Variants in BABAM2 observed in about 807,000 individuals in gnomAD.
BABAM2 encodes BRISC and BRCA1 A complex member 2, also known as BRISC and BRCA1-A complex member 2.
In BABAM2, 31 loss-of-function variants were observed where a neutral mutation model predicts 54.7. The ratio of observed to expected loss-of-function variants is 0.57; its 90% CI spans 0.43 to 0.77. The LOEUF is 0.77. BABAM2 is among the 30% of genes least tolerant of loss of function. The probability of loss-of-function intolerance (pLI) is 0.00; values close to 1 mark genes in which losing one functional copy is unlikely to be tolerated. For missense variants in BABAM2, 364 were observed against 455.8 expected, an observed-to-expected ratio of 0.80 and a Z score of 1.83; for synonymous variants, 167 against 162.9, an observed-to-expected ratio of 1.03 and a Z score of -0.19.
intron 2 of BABAM2, among the ~76,000 whole-genome samples, chr2:27,929,021 C>A (rs1667912547): frequency 6.7e-6 from 1 of 148,784 alleles, no homozygotes; most frequent in South Asian, 2.2e-4. Flanking sequence ...TTCGAGACCA[C>A]CCTGGGTAAC....
intron 4 of BABAM2, among the ~76,000 whole-genome samples, chr2:28,022,829 A>C (rs1675371927): frequency 6.6e-6 from 1 of 152,178 alleles, no homozygotes; most frequent in Admixed American, 6.5e-5. Flanking sequence ...TCTCCTACTC[A>C]AGAGAATGGA....
intron 6 of BABAM2, among the ~76,000 whole-genome samples, chr2:28,075,918 A>G (rs973579177): frequency 2.0e-5 from 3 of 152,066 alleles, no homozygotes; most frequent in Non-Finnish European, 4.4e-5. Context: ...AATATACTAA[A>G]TAAATATGTT....
intron 7 of BABAM2, among the ~76,000 whole-genome samples, chr2:28,212,265 G>A (rs1402704799): frequency 1.3e-5 from 2 of 152,124 alleles, no homozygotes; most frequent in Admixed American, 1.3e-4. Context: ...CAGCATTTGA[G>A]TGCCTCCTAT....
intron 11 of BABAM2, among the ~76,000 whole-genome samples, chr2:28,307,126 C>A (rs1688624070): frequency 6.6e-6 from 1 of 150,684 alleles, no homozygotes; most frequent in Admixed American, 6.6e-5. Context: ...CCTGCCTCAG[C>A]CTCCCAAATA....
intron 5 of BABAM2, among the ~76,000 whole-genome samples, chr2:28,027,834 T>TA (rs1454192646): frequency 1.3e-5 from 2 of 152,204 alleles, no homozygotes; most frequent in Non-Finnish European, 2.9e-5. Context: ...AACATTTTTT[T>TA]AAAAAAGACT....
At chr2:28,305,917 G>A (rs1163688610) in intron 11 of BABAM2, among the ~76,000 whole-genome samples, 1 of 151,732 alleles carries the variant, frequency 6.6e-6, no homozygotes, top group Non-Finnish European at 1.5e-5. Context: ...ACAAAGTTTT[G>A]TATGTTATTT....
intron 6 of BABAM2, among the ~76,000 whole-genome samples, chr2:28,062,339 C>T (rs1361511369): frequency 3.3e-5 from 5 of 150,522 alleles, no homozygotes; most frequent in Non-Finnish European, 7.4e-5. Context: ...CTGAGTCAGG[C>T]GGATCATGAG....
At chr2:28,175,169 C>T (rs146826397) in intron 7 of BABAM2, among the ~76,000 whole-genome samples, 14 of 152,250 alleles carry the variant, frequency 9.2e-5, no homozygotes, top group African/African-American at 2.9e-4. Context: ...CATTAGGAAC[C>T]GAAGCTTATG....
chr2:28,089,331 A>G (rs6547826), intron 6 of BABAM2, among the ~76,000 whole-genome samples: 12,689 of 152,238 alleles, frequency 0.083, 1,769 homozygotes, highest in African/African-American at 0.29. Flanking sequence ...AAATCACTGT[A>G]GACTAGCTTC....
Position 28,338,600 on chromosome 2 carries a change from A to C in BABAM2, c.*87A>C. 1.3e-6 allele frequency: 2 copies of C among 1,501,668 alleles called. No homozygotes were observed. Among genetic ancestry groups the C allele is most frequent in the South Asian group, 1.1e-5 (1 of 88,192 alleles). 93.0% of individuals were successfully genotyped at this position (1,501,668 alleles called of 1,614,324 possible). On this transcript the variant is annotated 3_prime_UTR_variant, in exon 12 of 12. Transcript: ENST00000379624. ...CAGCCGCTTCCTGGAAGCCGCCTGG[A>C]ATGTCTTCACGGCAGCGTTTTGCTC...
intron 4 of BABAM2, among the ~76,000 whole-genome samples, chr2:28,014,439 TCA>T (rs906266288): frequency 1.3e-5 from 2 of 152,134 alleles, no homozygotes; most frequent in Admixed American, 1.3e-4. Context: ...CGGCATACAT[TCA>T]GTTTACTTGA....
chr2:28,288,983 A>G (rs926508523), intron 10 of BABAM2, among the ~76,000 whole-genome samples: 3 of 148,392 alleles, frequency 2.0e-5, no homozygotes, highest in African/African-American at 7.5e-5. Context: ...TTTTCTGAAG[A>G]CTATTCAGTT....
chr2:28,132,174 C>T (rs1475828263), intron 7 of BABAM2, among the ~76,000 whole-genome samples: 2 of 149,028 alleles, frequency 1.3e-5, no homozygotes, highest in Non-Finnish European at 3.0e-5. Context: ...AATCTCGTTC[C>T]GTCCCCCAGG....
Position 28,278,501 on chromosome 2 carries a change from C to G in BABAM2, c.935-19837C>G, listed in dbSNP as rs573386551. Among the ~76,000 whole-genome samples, 559 of 152,182 alleles carry G rather than the reference C, an allele frequency of 3.7e-3. 3 individuals are homozygous for G. The highest frequency in any genetic ancestry group is 0.013 in the African/African-American group (533 of 41,524). ...ACTGTATAACTCCTAGCTAGGGTAG[C>G]TAAGGAAAGAGTGGAAATTTTAAGA... On this transcript the variant is annotated intron_variant, in intron 10 of 11. Transcript: ENST00000379624.
chr2:28,007,993 G>A (rs1674096044), intron 4 of BABAM2, among the ~76,000 whole-genome samples: 1 of 152,056 alleles, frequency 6.6e-6, no homozygotes, highest in Admixed American at 6.6e-5. Context: ...ATAATGAATT[G>A]AATAGTAGTG....
At chr2:28,114,932 C>G (rs1279117535) in intron 6 of BABAM2, among the ~76,000 whole-genome samples, 2 of 152,044 alleles carry the variant, frequency 1.3e-5, no homozygotes, top group Non-Finnish European at 2.9e-5. Flanking sequence ...CTTTTGAAAC[C>G]CAGTTTTGAA....
intron 6 of BABAM2, among the ~76,000 whole-genome samples, chr2:28,052,496 C>A (rs1573479987): frequency 6.6e-6 from 1 of 152,072 alleles, no homozygotes; most frequent in South Asian, 2.1e-4. Flanking sequence ...TCATGTTGGC[C>A]AGGCTGGTCT....
At chr2:27,938,697 T>C (rs1668662842) in intron 3 of BABAM2, among the ~76,000 whole-genome samples, 1 of 152,020 alleles carries the variant, frequency 6.6e-6, no homozygotes, top group Non-Finnish European at 1.5e-5. Context: ...GCCAGCTCTT[T>C]GCCTTTTTAA....
intron 10 of BABAM2, among the ~76,000 whole-genome samples, chr2:28,273,285 C>T (rs367677449): frequency 5.9e-5 from 9 of 152,226 alleles, no homozygotes; most frequent in African/African-American, 7.2e-5. Context: ...GCCCTGACTA[C>T]GTCAGAACCC....
Sources: gnomAD v4.1 joint callset for allele counts (sites outside exome capture counted in the v4.1 genomes callset) on GRCh38, gnomAD v4.1.1 for gene constraint, MANE v1.5 for transcripts, NCBI Gene and HGNC (gene_info 2026-07-23, HGNC 2026-07-21) for gene names.